Variants in GRIN3A observed in about 807,000 individuals in gnomAD.
GRIN3A encodes glutamate receptor ionotropic, NMDA 3A.
In GRIN3A, 47 loss-of-function variants were observed where a neutral mutation model predicts 92.4. That is an observed-to-expected ratio of 0.51 (90% CI 0.40 to 0.65). GRIN3A has a LOEUF of 0.65. GRIN3A is among the 30% of genes least tolerant of loss of function. The pLI, the probability that GRIN3A is intolerant of heterozygous loss-of-function variation, is 0.00. For synonymous variants in GRIN3A, 527 were observed against 540.6 expected, an observed-to-expected ratio of 0.97 and a Z score of 0.35; for missense variants, 1,324 against 1,393.1, an observed-to-expected ratio of 0.95 and a Z score of 0.79.
In GRIN3A at chr9:101,737,207, T is replaced by C. The variant is rs1391327681; in HGVS notation, c.699+74A>G. 3 of 1,265,938 alleles carry C rather than the reference T, an allele frequency of 2.4e-6. No individual in the cohort carries two copies. The East Asian group carries it at 7.0e-5, about 29-fold the overall frequency. The allele number at this position is 1,265,938 out of a possible 1,614,324, so 78.4% of individuals were successfully genotyped here. On this transcript the variant is annotated intron_variant, in intron 1 of 8. Coordinates refer to ENST00000361820, the MANE Select transcript of GRIN3A (RefSeq NM_133445.3). ...CTCCCCTCAGACTTTACCAAGCCGT[T>C]TTCTCTCCCCTCATGCAATGGCCCC...
intron 5 of GRIN3A, among the ~76,000 whole-genome samples, chr9:101,615,350 C>G (rs1424403744): frequency 1.3e-5 from 2 of 149,226 alleles, no homozygotes; most frequent in Non-Finnish European, 3.0e-5. Flanking sequence ...ATTATTCTAG[C>G]TTACAATTCA....
intron 6 of GRIN3A, among the ~76,000 whole-genome samples, chr9:101,608,214 T>G (rs917262136): frequency 1.3e-5 from 2 of 152,186 alleles, no homozygotes; most frequent in Non-Finnish European, 2.9e-5. Context: ...GTTATTTCTG[T>G]CCCTGGAGTT....
At chr9:101,606,906 A>ATTTTT (rs536780165) in intron 6 of GRIN3A, among the ~76,000 whole-genome samples, 1,755 of 85,998 alleles carry the variant, frequency 0.02, 39 homozygotes, top group African/African-American at 0.032. Context: ...AAAAAATTAC[A>ATTTTT]TTTTTTTTTT....
chr9:101,621,341 A>G lies in GRIN3A; in HGVS notation c.2614+1977T>C, dbSNP rs528912051. ...ATTTTTAAGAAAAGTAGCAATCAAG[A>G]CTTTGACTAGTATTTCTACCACATT... is the stretch of plus-strand genomic sequence containing the variant. On this transcript the variant is annotated intron_variant, in intron 5 of 8. Transcript: ENST00000361820. 9.9e-5 allele frequency among the ~76,000 whole-genome samples: 15 copies of G among 152,054 alleles called. No individual in the cohort carries two copies. In the East Asian group the frequency reaches 2.9e-3, roughly 29 times the overall value.
At chr9:101,661,085 C>T (rs1245708055) in intron 3 of GRIN3A, among the ~76,000 whole-genome samples, 2 of 151,772 alleles carry the variant, frequency 1.3e-5, no homozygotes, top group Non-Finnish European at 2.9e-5. Flanking sequence ...CTCCTGAAAG[C>T]CTCTGTGGAC....
At chr9:101,614,578 G>T (rs1388604051) in intron 5 of GRIN3A, among the ~76,000 whole-genome samples, 3 of 147,266 alleles carry the variant, frequency 2.0e-5, no homozygotes, top group Non-Finnish European at 3.0e-5. Flanking sequence ...TATAGTTTTA[G>T]GAATACATAT....
intron 6 of GRIN3A, among the ~76,000 whole-genome samples, chr9:101,599,941 T>C (rs1828189694): frequency 6.6e-6 from 1 of 152,206 alleles, no homozygotes; most frequent in Non-Finnish European, 1.5e-5. Flanking sequence ...GTGGAACTAC[T>C]AGCTCGAGTT....
chr9:101,635,224 T>G (rs554914130), intron 3 of GRIN3A, among the ~76,000 whole-genome samples: 4 of 152,148 alleles, frequency 2.6e-5, no homozygotes, highest in African/African-American at 9.7e-5. Context: ...ACTTGAGTCA[T>G]TGCATCAAGT....
chr9:101,623,280 T>C, intron 5 of GRIN3A, 38 bp downstream of exon 5: 1 of 1,397,396 alleles, frequency 7.2e-7, no homozygotes, highest in African/African-American at 1.4e-5. Flanking sequence ...ACTGAGCACA[T>C]CCTGAGTAAA....
chr9:101,684,568 A>G (rs1036323289), intron 2 of GRIN3A, among the ~76,000 whole-genome samples: 20 of 152,172 alleles, frequency 1.3e-4, no homozygotes, highest in Non-Finnish European at 2.9e-5. Flanking sequence ...AAGTACCACT[A>G]TGTAATTTTA....
Position 101,586,065 on chromosome 9 carries a change from A to C in GRIN3A, c.2767-6705T>G, listed in dbSNP as rs146355139. On this transcript the variant is annotated intron_variant, in intron 6 of 8. Coordinates refer to ENST00000361820, the MANE Select transcript of GRIN3A (RefSeq NM_133445.3). The stretch of plus-strand genomic sequence containing the variant: ...CTGTAAACTCTTCTGCCAGGAATCA[A>C]TATTGCTCCTTCCCTCACTTTCTTT... Among the ~76,000 whole-genome samples, 579 of 152,226 alleles carry C rather than the reference A, an allele frequency of 3.8e-3. 6 individuals are homozygous for C. Among genetic ancestry groups the C allele is most frequent in the Middle Eastern group, 3.4e-3 (1 of 294 alleles).
At chr9:101,634,674 T>G (rs865896167) in intron 3 of GRIN3A, among the ~76,000 whole-genome samples, 52 of 152,314 alleles carry the variant, frequency 3.4e-4, no homozygotes, top group African/African-American at 1.2e-3. Context: ...TTTATAGACT[T>G]GTATTATTGT....
At chr9:101,645,657 A>C (rs1456238921) in intron 3 of GRIN3A, among the ~76,000 whole-genome samples, 1 of 149,542 alleles carries the variant, frequency 6.7e-6, no homozygotes, top group African/African-American at 2.4e-5. Context: ...TAGAATTCCA[A>C]TTTCTCTGCA....
chr9:101,694,538 A>C (rs1829657446), intron 1 of GRIN3A, among the ~76,000 whole-genome samples: 1 of 152,062 alleles, frequency 6.6e-6, no homozygotes. Context: ...ACATCATCCC[A>C]TTTCTGCCTT....
Position 101,737,446 on chromosome 9 carries a change from G to C in GRIN3A, c.534C>G (p.Phe178Leu). The stretch of plus-strand genomic sequence containing the variant: ...TATGGCACACACTTTGCAGGAAGGA[G>C]AAAGGGTCACTGCTCCATGGCGAAC... ...SPSSPWSSDP[F>L]SFLQSVCHTV... The change falls in exon 1 of 9, where the codon TTC becomes TTG. Residue 178 changes from phenylalanine to leucine, a missense_variant. Transcript: ENST00000361820. The C allele has an allele frequency of 1.2e-6, 2 of 1,614,278 alleles. No individual in the cohort carries two copies. Among genetic ancestry groups the C allele is most frequent in the Non-Finnish European group, 1.7e-6 (2 of 1,180,052 alleles).
chr9:101,666,589 TGACAGAA>T (rs1829239309), intron 3 of GRIN3A, among the ~76,000 whole-genome samples: 1 of 152,036 alleles, frequency 6.6e-6, no homozygotes, highest in African/African-American at 2.4e-5. Flanking sequence ...CAAACCCCCA[TGACAGAA>T]GTTTACCTAT....
At chr9:101,700,188 A>T (rs1429486534) in intron 1 of GRIN3A, among the ~76,000 whole-genome samples, 2 of 152,242 alleles carry the variant, frequency 1.3e-5, no homozygotes, top group African/African-American at 4.8e-5. Flanking sequence ...AGTGTCCAGA[A>T]AATGACAGAC....
At chr9:101,677,063 G>T (rs1829407315) in intron 2 of GRIN3A, among the ~76,000 whole-genome samples, 1 of 150,516 alleles carries the variant, frequency 6.6e-6, no homozygotes, top group South Asian at 2.1e-4. Context: ...AGAGCCCTAA[G>T]CTATTCTCTC....
chr9:101,723,054 G>A (rs1830034362), intron 1 of GRIN3A, among the ~76,000 whole-genome samples: 2 of 152,180 alleles, frequency 1.3e-5, no homozygotes, highest in Admixed American at 6.5e-5. Context: ...CCCATGTGTT[G>A]TGGGAGGCAC....
Sources: allele counts gnomAD v4.1 joint callset (sites outside exome capture counted in the v4.1 genomes callset), GRCh38; gene constraint gnomAD v4.1.1; transcripts MANE v1.5; gene names NCBI Gene and HGNC (gene_info 2026-07-23, HGNC 2026-07-21).